Variants in MUSK observed in about 807,000 individuals in gnomAD.
MUSK encodes the protein muscle, skeletal receptor tyrosine-protein kinase.
In MUSK, 55 loss-of-function variants were observed where a neutral mutation model predicts 88.7. The observed-to-expected ratio is 0.62, with a 90% CI of 0.50 to 0.78. MUSK has a LOEUF of 0.78. Among genes scored for constraint, MUSK ranks in the 30% least tolerant of loss-of-function variants. MUSK has a pLI of 0.00. For missense variants in MUSK, 1,015 were observed against 1,074.3 expected, an observed-to-expected ratio of 0.94 and a Z score of 0.77; for synonymous variants, 387 against 391.9, an observed-to-expected ratio of 0.99 and a Z score of 0.15.
intron 7 of MUSK, among the ~76,000 whole-genome samples, chr9:110,761,630 C>G (rs1269749915): frequency 3.2e-5 from 4 of 125,442 alleles, no homozygotes; most frequent in Non-Finnish European, 6.3e-5. Context: ...CTGGAGTGCA[C>G]TGGCGCGATC....
chr9:110,747,700 G>A lies in MUSK; in HGVS notation c.813G>A (p.Gln271=). The change falls in exon 7 of 15, where the codon CAG becomes CAA. Residue 271 remains glutamine (Q), a synonymous_variant. Coordinates refer to ENST00000374448, the MANE Select transcript of MUSK (RefSeq NM_005592.4). The part of the protein sequence containing the change: ...VKDRVIDSRL[Q]LFITKPGLYT... ...ACCGAGTGATTGACTCAAGACTGCA[G>A]CTGTTTATCACCAAGCCAGGACTCT... 6.2e-7 allele frequency: 1 copy of A among 1,613,786 alleles called. No individual in the cohort carries two copies. Among genetic ancestry groups the A allele is most frequent in the Non-Finnish European group, 8.5e-7 (1 of 1,179,772 alleles).
rs1029572135 is a variant in MUSK, at chr9:110,715,111, C to T, written c.628+17645C>T. ...TTGACGTTACAAAATAAAATAAAGC[C>T]TTCTCCCTTTGAAGTCCGCTAAAGG... On this transcript the variant is annotated intron_variant, in intron 5 of 14. Coordinates refer to ENST00000374448, the MANE Select transcript of MUSK (RefSeq NM_005592.4). Among the ~76,000 whole-genome samples the T allele has an allele frequency of 4.0e-5, 6 of 149,728 alleles. No individual in the cohort carries two copies. The South Asian group carries it at 1.3e-3, about 31-fold the overall frequency.
chr9:110,686,595 T>C (rs1366462964), intron 2 of MUSK, among the ~76,000 whole-genome samples: 2 of 152,128 alleles, frequency 1.3e-5, no homozygotes, highest in Non-Finnish European at 2.9e-5. Flanking sequence ...TAGTTGGAAA[T>C]TGTTTTCCTC....
Position 110,747,804 on chromosome 9 carries a change from G to A in MUSK, c.913+4G>A. 1.2e-6 allele frequency: 2 copies of A among 1,613,570 alleles called. No homozygotes were observed. The highest frequency in any genetic ancestry group is 1.1e-5 in the South Asian group (1 of 91,078). On this transcript the variant is annotated splice_donor_region_variant and intron_variant, in intron 7 of 14. Coordinates refer to ENST00000374448, the MANE Select transcript of MUSK (RefSeq NM_005592.4). ...GCAGCCACCATCAGCATAGCAGGTA[G>A]GATGCCCCTTCACATTTGCGTTGTT...
chr9:110,696,517 T>C (rs1333540860), intron 4 of MUSK, among the ~76,000 whole-genome samples: 1 of 152,192 alleles, frequency 6.6e-6, no homozygotes, highest in East Asian at 1.9e-4. Flanking sequence ...CTTTGCTTTA[T>C]TTAAAATAAA....
rs187697471 is a variant in MUSK, at chr9:110,704,805, G to A, written c.628+7339G>A. 8.6e-3 allele frequency among the ~76,000 whole-genome samples: 1,309 copies of A among 152,016 alleles called. 5 individuals are homozygous for A. The highest frequency in any genetic ancestry group is 0.014 in the Non-Finnish European group (947 of 67,968). On this transcript the variant is annotated intron_variant, in intron 5 of 14. Coordinates refer to ENST00000374448, the MANE Select transcript of MUSK (RefSeq NM_005592.4). ...TTGAGACCAGCCTGGCCAACATGGTGAAACCCCATCTCTACTAAAAATACA... is the reference window on the plus strand; with the variant it reads ...TTGAGACCAGCCTGGCCAACATGGTAAAACCCCATCTCTACTAAAAATACA...
chr9:110,731,260 T>C (rs1212104667), intron 5 of MUSK, among the ~76,000 whole-genome samples: 1 of 152,024 alleles, frequency 6.6e-6, no homozygotes, highest in Non-Finnish European at 1.5e-5. Flanking sequence ...GCTTACATTC[T>C]AGAGAGGAGA....
intron 8 of MUSK, among the ~76,000 whole-genome samples, chr9:110,765,476 A>G (rs540693460): frequency 6.8e-4 from 104 of 152,326 alleles, no homozygotes; most frequent in African/African-American, 2.4e-3. Flanking sequence ...CACCTATATA[A>G]CAATGACAGG....
chr9:110,779,319 A>G (rs2077717862), intron 11 of MUSK, among the ~76,000 whole-genome samples: 1 of 152,138 alleles, frequency 6.6e-6, no homozygotes. Flanking sequence ...AATTATTTCA[A>G]CAATTTAGCT....
At chr9:110,787,983 C>A in intron 14 of MUSK, 145 bp downstream of exon 14, 1 of 842,814 alleles carries the variant, frequency 1.2e-6, no homozygotes, top group South Asian at 1.5e-5. Flanking sequence ...TCACCTTGGT[C>A]TATCCCAACC....
At chr9:110,785,303 T>C (rs533979636) in intron 12 of MUSK, among the ~76,000 whole-genome samples, 17 of 151,842 alleles carry the variant, frequency 1.1e-4, no homozygotes, top group Admixed American at 9.8e-4. Context: ...CTCAGGCCTG[T>C]TGCCATTGCT....
chr9:110,689,717 ATG>A (rs2076274152), intron 3 of MUSK, among the ~76,000 whole-genome samples: 2 of 35,634 alleles, frequency 5.6e-5, no homozygotes, highest in African/African-American at 2.0e-4. Context: ...ATAACTATAT[ATG>A]TTATATATAG....
chr9:110,731,875 G>A (rs1362517024), intron 5 of MUSK, among the ~76,000 whole-genome samples: 2 of 151,792 alleles, frequency 1.3e-5, no homozygotes, highest in South Asian at 2.1e-4. Context: ...TTCACAATAA[G>A]CCCAAATGAT....
rs76501811 is a variant in MUSK, at chr9:110,729,877, A to G, written c.629-4374A>G. ...AACCACTCATTTATTTCAGGACTTA[A>G]CATGGATGCCCTGTCCCTTGGGCTT... On this transcript the variant is annotated intron_variant, in intron 5 of 14. Transcript: ENST00000374448. Among the ~76,000 whole-genome samples the G allele has an allele frequency of 6.0e-3, 909 of 152,174 alleles. 11 individuals carry two copies. Among genetic ancestry groups the G allele is most frequent in the African/African-American group, 0.021 (880 of 41,544 alleles).
chr9:110,719,088 G>A (rs1402934787), intron 5 of MUSK, among the ~76,000 whole-genome samples: 1 of 152,014 alleles, frequency 6.6e-6, no homozygotes, highest in African/African-American at 2.4e-5. Context: ...TCTTGAAACA[G>A]ATTCTGGAAA....
At chr9:110,774,607 T>C (rs2131982554) in intron 9 of MUSK, among the ~76,000 whole-genome samples, 1 of 152,226 alleles carries the variant, frequency 6.6e-6, no homozygotes, top group Admixed American at 6.5e-5. Context: ...AACCCAGGGG[T>C]GGAACCAAGC....
At chr9:110,780,673 T>G (rs986246495) in intron 11 of MUSK, among the ~76,000 whole-genome samples, 6 of 152,246 alleles carry the variant, frequency 3.9e-5, no homozygotes, top group Non-Finnish European at 7.3e-5. Flanking sequence ...AGATGTGATT[T>G]CACTCTTTTC....
Position 110,781,256 on chromosome 9 carries a change from T to TTTTTGTTTTGTTTTG in MUSK, c.1385-3535_1385-3521dup, listed in dbSNP as rs148739068. ...TCCCACACACACGTTTGTGTGTGTTTTTTTGTTTTGTTTTGTTTTGTTTTG... is the reference window on the plus strand; with the variant it reads ...TCCCACACACACGTTTGTGTGTGTTTTTTTGTTTTGTTTTGTTTTGTTTTGTTTTGTTTTGTTTTG... On this transcript the variant is annotated intron_variant, in intron 11 of 14. Coordinates refer to ENST00000374448, the MANE Select transcript of MUSK (RefSeq NM_005592.4). Among the ~76,000 whole-genome samples the TTTTTGTTTTGTTTTG allele has an allele frequency of 3.0e-3, 443 of 146,292 alleles. 3 individuals carry two copies. Among genetic ancestry groups the TTTTTGTTTTGTTTTG allele is most frequent in the African/African-American group, 0.011 (425 of 40,074 alleles).
Position 110,687,210 on chromosome 9 carries a change from G to T in MUSK, c.300G>T (p.Thr100=), listed in dbSNP as rs180928221. The T allele has an allele frequency of 6.2e-7, 1 of 1,613,844 alleles. No homozygotes were observed. ...EDSDDGIYCC[T]ANNGVGGAVE... ...GTGATGATGGCATTTACTGCTGCAC[G>T]GCCAACAATGGTGTGGGAGGAGCTG... Residue 100 remains threonine, a synonymous_variant, in exon 3 of 15, where the codon ACG becomes ACT. Coordinates refer to ENST00000374448, the MANE Select transcript of MUSK (RefSeq NM_005592.4).
Sources: gnomAD v4.1 joint callset for allele counts (sites outside exome capture counted in the v4.1 genomes callset) on GRCh38, gnomAD v4.1.1 for gene constraint, MANE v1.5 for transcripts, NCBI Gene and HGNC (gene_info 2026-07-23, HGNC 2026-07-21) for gene names.